The following WNK4 variants were observed in gnomAD, a reference collection of about 807,000 sequenced individuals.
WNK4 encodes the protein WNK lysine deficient protein kinase 4, also known as serine/threonine-protein kinase WNK4.
Under a neutral mutation model 116.2 loss-of-function variants are expected in WNK4, and 94 were observed. The ratio of observed to expected loss-of-function variants is 0.81; its 90% CI spans 0.68 to 0.96. The LOEUF (loss-of-function observed/expected upper bound fraction) is 0.96, where lower values mean the gene tolerates loss of function less well. WNK4 is among the 40% of genes least tolerant of loss of function. The pLI is 0.00. For missense variants in WNK4, 1,542 were observed against 1,650.6 expected, an observed-to-expected ratio of 0.93 and a Z score of 1.14; for synonymous variants, 655 against 672.7, an observed-to-expected ratio of 0.97 and a Z score of 0.41.
In WNK4 at chr17:42,781,027, G is replaced by T; in HGVS notation, c.329G>T (p.Trp110Leu). The T allele has an allele frequency of 6.2e-7, 1 of 1,610,566 alleles. No individual in the cohort carries two copies. Among genetic ancestry groups the T allele is most frequent in the Non-Finnish European group, 8.5e-7 (1 of 1,179,274 alleles). The change falls in exon 1 of 19, where the codon TGG (tryptophan) becomes TTG (leucine). Residue 110 changes from tryptophan (W) to leucine (L), a missense_variant. By Grantham distance (61) the Trp-to-Leu change is moderately conservative. Transcript: ENST00000246914. ...TCCAAAGAACCCCCCGAGGGCACGT[G>T]GACCGAGGGAGCCCCTGTGAAGGCT... Reference protein sequence around the residue: ...PSSKEPPEGTWTEGAPVKAAE... With the variant: ...PSSKEPPEGTLTEGAPVKAAE...
At chr17:42,787,201 G>C in intron 6 of WNK4, 77 bp from the exon 7 acceptor site, 2 of 1,596,694 alleles carry the variant, frequency 1.3e-6, no homozygotes, top group Non-Finnish European at 1.7e-6. Flanking sequence ...ATATCCTGGA[G>C]TTCCCAAGAA....
chr17:42,785,350 C>CG lies in WNK4; in HGVS notation c.1345dup (p.Glu449GlyfsTer52). 1 of 1,610,242 alleles carries CG rather than the reference C, an allele frequency of 6.2e-7. No homozygotes were observed. Among genetic ancestry groups the CG allele is most frequent in the African/African-American group, 1.3e-5 (1 of 75,002 alleles). On this transcript the variant is annotated frameshift_variant, in exon 6 of 19. Transcript: ENST00000246914. LOFTEE classifies it high-confidence loss of function. ...TGGAACTAGCGGAGGAGGACGACGG[C>CG]GAGAAGCCGGGCCTCAAGCTCTGGC...
chr17:42,795,595 C>G, intron 15 of WNK4, 30 bp from the exon 16 acceptor site: 4 of 1,614,226 alleles, frequency 2.5e-6, no homozygotes, highest in Non-Finnish European at 3.4e-6. Context: ...GCTCTCCTTT[C>G]CTCATGCCTT....
At position 42,785,297 on chromosome 17, in the gene WNK4, T is replaced by G. The variant is rs1373132601; in HGVS notation, c.1291T>G (p.Phe431Val). The G allele has an allele frequency of 1.2e-6, 2 of 1,611,706 alleles. No individual in the cohort carries two copies. Among genetic ancestry groups the G allele is most frequent in the Non-Finnish European group, 1.7e-6 (2 of 1,179,142 alleles). The change falls in exon 6 of 19, where the codon TTC becomes GTC. Residue 431 changes from phenylalanine (F) to valine (V), a missense_variant. This residue lies in a region of WNK4 where 808 missense variants were observed against 873.6 expected (regional missense o/e 0.92). Coordinates refer to ENST00000246914, the MANE Select transcript of WNK4 (RefSeq NM_032387.5). ...CATCCAGGACCTCCTGGCCCACGCC[T>G]TCTTCCGCGAGGAGCGCGGTGTGCA... is the stretch of plus-strand genomic sequence containing the variant. ...FTIQDLLAHA[F>V]FREERGVHVE...
intron 11 of WNK4, among the ~76,000 whole-genome samples, chr17:42,790,481 C>T (rs1597900794): frequency 6.6e-6 from 1 of 151,998 alleles, no homozygotes; most frequent in South Asian, 2.1e-4. Flanking sequence ...GGATATGGGT[C>T]AGGCAGGGCT....
rs200976576 is a variant in WNK4, at chr17:42,785,200, G to A, written c.1259+15G>A. ...AAGAACGAGAGGTGGGGGTGAAAGGGCAGAGCGTGGGTAGAATAGGGCCGC... is the reference window on the plus strand; with the variant it reads ...AAGAACGAGAGGTGGGGGTGAAAGGACAGAGCGTGGGTAGAATAGGGCCGC... On this transcript the variant is annotated intron_variant, in intron 5 of 18. Coordinates refer to ENST00000246914, the MANE Select transcript of WNK4 (RefSeq NM_032387.5). The A allele has an allele frequency of 4.3e-6, 7 of 1,612,926 alleles. No homozygotes were observed. The African/African-American group carries it at 6.7e-5, about 15-fold the overall frequency.
intron 6 of WNK4, 38 bp downstream of exon 6, chr17:42,785,520 A>G: frequency 6.4e-7 from 1 of 1,550,934 alleles, no homozygotes; most frequent in Non-Finnish European, 8.7e-7. Flanking sequence ...CTGGACGTGT[A>G]AAGGACATTG....
chr17:42,795,918 C>G lies in WNK4; in HGVS notation c.3316C>G (p.Pro1106Ala), dbSNP rs1165060197. 5.0e-6 allele frequency: 8 copies of G among 1,612,196 alleles called. No homozygotes were observed. The highest frequency in any genetic ancestry group is 6.8e-6 in the Non-Finnish European group (8 of 1,178,950). The change falls in exon 16 of 19, where the codon CCC becomes GCC. Residue 1106 changes from proline to alanine, a missense_variant. Physicochemically the swap from Pro to Ala is conservative, Grantham distance 27. Transcript: ENST00000246914. ...GGGCAGCCCCCAACCCCTGAGCCATCCCAGCCCAGTGTGGATGAACTACTC... is the reference window on the plus strand; with the variant it reads ...GGGCAGCCCCCAACCCCTGAGCCATGCCAGCCCAGTGTGGATGAACTACTC... ...VGGSPQPLSH[P>A]SPVWMNYSYS...
Position 42,795,143 on chromosome 17 carries a change from C to T in WNK4, c.2722C>T (p.Pro908Ser). The change falls in exon 14 of 19, where the codon CCG becomes TCG. Residue 908 changes from proline to serine, a missense_variant. By Grantham distance (74) the Pro-to-Ser change is moderately conservative. Around this residue, in one of 7 missense-constraint regions of WNK4, gnomAD observed 292 missense variants for 290.1 expected, o/e 1.01. Coordinates refer to ENST00000246914, the MANE Select transcript of WNK4 (RefSeq NM_032387.5). ...CACTCTTAGTTCCCCTTTCTTTCCT[C>T]CGTGCCCCTCCACTTCTTCCTTCCC... ...QVTLSSPFFP[P>S]CPSTSSFPST... is the part of the protein sequence containing the mutation. The T allele has an allele frequency of 6.2e-7, 1 of 1,614,104 alleles. No homozygotes were observed. Among genetic ancestry groups the T allele is most frequent in the Non-Finnish European group, 8.5e-7 (1 of 1,180,020 alleles).
At position 42,795,386 on chromosome 17, in the gene WNK4, A is replaced by C. The variant is rs747843427; in HGVS notation, c.2961+4A>C. 5.6e-6 allele frequency: 9 copies of C among 1,613,892 alleles called. 1 individual carries two copies. On this transcript the variant is annotated splice_donor_region_variant and intron_variant, in intron 14 of 18. Transcript: ENST00000246914. ...CACAGCTGAGGTGGAGAGTGAGGTG[A>C]GTAGAAAACCAAGAGGGATGATTAG...
Position 42,781,048 on chromosome 17 carries a change from A to G in WNK4, c.350A>G (p.Lys117Arg). The G allele has an allele frequency of 6.2e-7, 1 of 1,611,438 alleles. No individual in the cohort carries two copies. Among genetic ancestry groups the G allele is most frequent in the African/African-American group, 1.3e-5 (1 of 75,020 alleles). The change falls in exon 1 of 19, where the codon AAG becomes AGG. Residue 117 changes from lysine to arginine, a missense_variant. Coordinates refer to ENST00000246914, the MANE Select transcript of WNK4 (RefSeq NM_032387.5). ...ACGTGGACCGAGGGAGCCCCTGTGA[A>G]GGCTGCGGAAGACTCCGCGCGTCCC... ...EGTWTEGAPVKAAEDSARPEL... is the reference protein window; with the variant it reads ...EGTWTEGAPVRAAEDSARPEL...
rs201925752 is a variant in WNK4 at position 42,795,657 on chromosome 17, G to A, written c.3055G>A (p.Val1019Met). 3 of 1,613,392 alleles carry A rather than the reference G, an allele frequency of 1.9e-6. No homozygotes were observed. The highest frequency in any genetic ancestry group is 2.5e-6 in the Non-Finnish European group (3 of 1,180,036). Residue 1019 changes from valine (V) to methionine (M), a missense_variant, in exon 16 of 19, where the codon GTG becomes ATG. Physicochemically the swap from Val to Met is conservative, Grantham distance 21 (BLOSUM62 1). Transcript: ENST00000246914. ...GCCGCAGCTTGTTGGGCGTTTCCAA[G>A]TGACTTCATCCAAGGAACCGGCTGA... ...GKPQLVGRFQ[V>M]TSSKEPAEPL...
intron 12 of WNK4, 84 bp downstream of exon 12, chr17:42,793,813 G>A (rs780069283): frequency 6.4e-7 from 1 of 1,557,556 alleles, no homozygotes; most frequent in African/African-American, 1.4e-5. Flanking sequence ...CGGTCCCCTT[G>A]GATTTAACTC....
chr17:42,784,234 A>G lies in WNK4; in HGVS notation c.1012+77A>G. ...GAGAACCTGGGGACTCCCTCCCCTC[A>G]GCAAGGGCCTTCAAGGTCCACAAAA... On this transcript the variant is annotated intron_variant, in intron 3 of 18. Coordinates refer to ENST00000246914, the MANE Select transcript of WNK4 (RefSeq NM_032387.5). The surrounding 1 kb of genome is among the most constrained non-coding windows in gnomAD (Gnocchi z 4.4). 1.3e-6 allele frequency: 2 copies of G among 1,584,270 alleles called. No individual in the cohort carries two copies. The highest frequency in any genetic ancestry group is 1.7e-6 in the Non-Finnish European group (2 of 1,161,964).
intron 2 of WNK4, 118 bp from the exon 3 acceptor site, chr17:42,783,819 G>C (rs1465029361): frequency 5.2e-6 from 5 of 963,318 alleles, no homozygotes; most frequent in African/African-American, 1.6e-5. Flanking sequence ...CTAGGAGAAT[G>C]CTGGCAGAAG....
chr17:42,784,174 G>A lies in WNK4; in HGVS notation c.1012+17G>A, dbSNP rs2054516112. 1 of 1,603,700 alleles carries A rather than the reference G, an allele frequency of 6.2e-7. No homozygotes were observed. The highest frequency in any genetic ancestry group is 2.2e-5 in the East Asian group (1 of 44,892). Reference sequence around the variant, plus strand: ...GTGTCATCGGTGCGTCTCTCCAGGAGGGTCCATGCCATTCCTTCCTCCCCC... The same window carrying A: ...GTGTCATCGGTGCGTCTCTCCAGGAAGGTCCATGCCATTCCTTCCTCCCCC... On this transcript the variant is annotated intron_variant, in intron 3 of 18. Coordinates refer to ENST00000246914, the MANE Select transcript of WNK4 (RefSeq NM_032387.5). This position sits in a 1 kb window ranked among gnomAD's most constrained non-coding sequence, Gnocchi z 4.4.
intron 8 of WNK4, 97 bp downstream of exon 8, chr17:42,787,996 CT>C: frequency 1.3e-6 from 2 of 1,597,312 alleles, no homozygotes; most frequent in Non-Finnish European, 1.7e-6. Context: ...TCCCATGTCC[CT>C]GGAAATCCAC....
intron 11 of WNK4, among the ~76,000 whole-genome samples, chr17:42,789,569 CAGG>C (rs1288132614): frequency 1.3e-5 from 2 of 151,650 alleles, no homozygotes; most frequent in Non-Finnish European, 2.9e-5. Context: ...GAGGCTGAGG[CAGG>C]AGAATTGCTT....
At chr17:42,785,236 G>C (rs765590807) in intron 5 of WNK4, 30 bp from the exon 6 acceptor site, 3 of 1,607,678 alleles carry the variant, frequency 1.9e-6, no homozygotes, top group Non-Finnish European at 2.5e-6. Flanking sequence ...GGGCCGCGGC[G>C]GGCTCGGCTC....
Sources: gnomAD v4.1 joint callset for allele counts (sites outside exome capture counted in the v4.1 genomes callset) on GRCh38, gnomAD v4.1.1 for gene constraint, gnomAD v4.1.1 regional missense constraint, Gnocchi (gnomAD v3.1) non-coding constraint, MANE v1.5 for transcripts, NCBI Gene and HGNC (gene_info 2026-07-23, HGNC 2026-07-21) for gene names.